The following APP variants were observed in gnomAD, a reference collection of about 807,000 sequenced individuals.
APP encodes amyloid beta precursor protein.
In APP, 31 loss-of-function variants were observed where a neutral mutation model predicts 101.4. That is an observed-to-expected ratio of 0.31 (90% CI 0.23 to 0.41). The LOEUF is 0.41. APP is among the 10% of genes least tolerant of loss of function. The probability of loss-of-function intolerance (pLI) is 1.00; values close to 1 mark genes in which losing one functional copy is unlikely to be tolerated. For synonymous variants in APP, 366 were observed against 364.4 expected, an observed-to-expected ratio of 1.00 and a Z score of -0.05; for missense variants, 839 against 1,003.7, an observed-to-expected ratio of 0.84 and a Z score of 2.22.
intron 13 of APP, among the ~76,000 whole-genome samples, chr21:25,930,329 C>G (rs955442921): frequency 6.6e-6 from 1 of 152,190 alleles, no homozygotes; most frequent in East Asian, 1.9e-4. Flanking sequence ...AATTGGGAAA[C>G]AGTGCCCCTC....
At chr21:25,999,913 C>A (rs867782622) in intron 7 of APP, 102 bp downstream of exon 7, 1 of 1,345,748 alleles carries the variant, frequency 7.4e-7, no homozygotes, top group Non-Finnish European at 1.0e-6. Context: ...GTGGTAGCAA[C>A]AGGCCCATTC....
chr21:26,108,758 C>T (rs1401961482), intron 2 of APP, among the ~76,000 whole-genome samples: 1 of 152,004 alleles, frequency 6.6e-6, no homozygotes, highest in East Asian at 1.9e-4. Flanking sequence ...GTGGCAGGCG[C>T]CTATAATCCC....
At chr21:25,929,170 T>A (rs2040032322) in intron 13 of APP, among the ~76,000 whole-genome samples, 2 of 152,228 alleles carry the variant, frequency 1.3e-5, no homozygotes, top group African/African-American at 2.4e-5. Flanking sequence ...CCTGAAGACA[T>A]TTCAAGGTGA....
At chr21:26,138,394 T>C (rs377234673) in intron 1 of APP, among the ~76,000 whole-genome samples, 10 of 152,126 alleles carry the variant, frequency 6.6e-5, no homozygotes, top group African/African-American at 2.4e-4. Context: ...ACTAAGGGAC[T>C]GAAACTACTT....
intron 5 of APP, among the ~76,000 whole-genome samples, chr21:26,024,644 T>C (rs1295432778): frequency 1.3e-5 from 2 of 152,214 alleles, no homozygotes; most frequent in African/African-American, 4.8e-5. Context: ...AATCCATCAA[T>C]GGCAGGAATT....
intron 1 of APP, among the ~76,000 whole-genome samples, chr21:26,117,040 C>T (rs1251922506): frequency 2.0e-5 from 3 of 152,112 alleles, no homozygotes; most frequent in Non-Finnish European, 4.4e-5. Context: ...TGTGCCACCA[C>T]GCCCAGATAA....
chr21:25,973,002 GTT>G (rs1364508147), intron 11 of APP, among the ~76,000 whole-genome samples: 3 of 152,062 alleles, frequency 2.0e-5, no homozygotes, highest in African/African-American at 7.2e-5. Context: ...ATCGTGACAA[GTT>G]TAGAATGTTT....
At position 25,881,705 on chromosome 21, in the gene APP, G is replaced by T. The variant is rs1300518717; in HGVS notation, c.2278C>A (p.Pro760Thr). ...SKMQQNGYENPTYKFFEQMQN is the reference protein window; with the variant it reads ...SKMQQNGYENTTYKFFEQMQN ...ATCTGCTCAAAGAACTTGTAGGTTGGATTTTCGTAGCCGTTCTGCTGCATC... is the reference window on the plus strand; with the variant it reads ...ATCTGCTCAAAGAACTTGTAGGTTGTATTTTCGTAGCCGTTCTGCTGCATC... Residue 760 changes from proline to threonine, a missense_variant, in exon 18 of 18, where the codon CCA becomes ACA. By Grantham distance (38) the Pro-to-Thr change is conservative (BLOSUM62 -1). Coordinates refer to ENST00000346798, the MANE Select transcript of APP (RefSeq NM_000484.4). 1 of 1,613,926 alleles carries T rather than the reference G, an allele frequency of 6.2e-7. No individual in the cohort carries two copies. Among genetic ancestry groups the T allele is most frequent in the African/African-American group, 1.3e-5 (1 of 74,924 alleles).
chr21:26,124,414 A>T (rs1170863008), intron 1 of APP, among the ~76,000 whole-genome samples: 2 of 152,244 alleles, frequency 1.3e-5, no homozygotes, highest in Non-Finnish European at 2.9e-5. Flanking sequence ...TATGTTGCTC[A>T]ATAAATTTCA....
chr21:26,070,308 T>C (rs1273142579), intron 3 of APP, among the ~76,000 whole-genome samples: 2 of 152,194 alleles, frequency 1.3e-5, no homozygotes, highest in Admixed American at 6.5e-5. Flanking sequence ...CAAGGCTTAG[T>C]TTCATTATTG....
chr21:26,148,694 T>G lies in APP; in HGVS notation c.57+21870A>C, dbSNP rs3787653. Among the ~76,000 whole-genome samples, 34 of 152,286 alleles carry G rather than the reference T, an allele frequency of 2.2e-4. No homozygotes were observed. The East Asian group carries it at 6.6e-3, about 29-fold the overall frequency. ...GGGTGGCTGATATGAACTCTAAGGA[T>G]TATTCTGAAGGGGCCAACAAATGTT... On this transcript the variant is annotated intron_variant, in intron 1 of 17. Transcript: ENST00000346798.
chr21:26,111,608 T>C (rs1440260156), intron 2 of APP, among the ~76,000 whole-genome samples: 2 of 151,900 alleles, frequency 1.3e-5, no homozygotes, highest in Non-Finnish European at 2.9e-5. Context: ...CCTGGTGGCA[T>C]GTGCCTATAG....
At chr21:26,057,876 A>G (rs2046105422) in intron 3 of APP, among the ~76,000 whole-genome samples, 1 of 152,218 alleles carries the variant, frequency 6.6e-6, no homozygotes, top group Admixed American at 6.5e-5. Flanking sequence ...ACTGTGAAGT[A>G]CTTTAATATT....
chr21:25,955,102 A>G (rs1380667640), intron 12 of APP, among the ~76,000 whole-genome samples: 1 of 152,096 alleles, frequency 6.6e-6, no homozygotes, highest in African/African-American at 2.4e-5. Flanking sequence ...CCCCTAGAAA[A>G]CAACGTATTT....
intron 1 of APP, among the ~76,000 whole-genome samples, chr21:26,132,385 C>T (rs769924171): frequency 1.3e-5 from 2 of 152,212 alleles, no homozygotes; most frequent in Non-Finnish European, 2.9e-5. Flanking sequence ...ACCCATTAGA[C>T]ATTTCAGCAA....
At chr21:25,946,062 C>A in intron 13 of APP, 1 of 318,958 alleles carries the variant, frequency 3.1e-6, no homozygotes, top group Non-Finnish European at 6.2e-6. Context: ...CTACCTCACA[C>A]CATATATGAA....
intron 5 of APP, among the ~76,000 whole-genome samples, chr21:26,025,885 T>G (rs2044549503): frequency 6.6e-6 from 1 of 152,272 alleles, no homozygotes; most frequent in African/African-American, 2.4e-5. Flanking sequence ...TGGACACTAT[T>G]TAAAACAAGA....
At chr21:25,977,721 G>A (rs1040794336) in intron 9 of APP, among the ~76,000 whole-genome samples, 2 of 152,132 alleles carry the variant, frequency 1.3e-5, no homozygotes, top group African/African-American at 2.4e-5. Flanking sequence ...ATAATCTCAA[G>A]GTTCACAGCA....
Position 25,936,458 on chromosome 21 carries a change from G to A in APP, c.1687+18132C>T, listed in dbSNP as rs566046986. ...CTCGGGAGGCTGAGGCACGAGAATC[G>A]CTTGAACCCAGGAGGTGGAGGTTGC... On this transcript the variant is annotated intron_variant, in intron 13 of 17. Transcript: ENST00000346798. Among the ~76,000 whole-genome samples, 81 of 152,264 alleles carry A rather than the reference G, an allele frequency of 5.3e-4. No homozygotes were observed. In the South Asian group the frequency reaches 0.01, roughly 19 times the overall value.
Sources: gnomAD v4.1 joint callset for allele counts (sites outside exome capture counted in the v4.1 genomes callset) on GRCh38, gnomAD v4.1.1 for gene constraint, MANE v1.5 for transcripts, NCBI Gene and HGNC (gene_info 2026-07-23, HGNC 2026-07-21) for gene names.